Variants in MAP3K20 observed in about 807,000 individuals in gnomAD.
MAP3K20 encodes the protein mitogen-activated protein kinase kinase kinase 20, also known as HCCS-4.
MAP3K20 carries 40 observed loss-of-function variants against 85.7 expected under a neutral mutation model. That is an observed-to-expected ratio of 0.47 (90% confidence interval 0.36 to 0.61). The LOEUF (loss-of-function observed/expected upper bound fraction) is 0.61, where lower values mean the gene tolerates loss of function less well. Ranked by LOEUF, MAP3K20 falls within the 20% of genes least tolerant of loss-of-function variation. The pLI, the probability that MAP3K20 is intolerant of heterozygous loss-of-function variation, is 0.00. For synonymous variants in MAP3K20, 325 were observed against 327.7 expected (o/e 0.99, Z 0.09); for missense variants, 817 against 961.7 (o/e 0.85, Z 1.99).
intron 16 of MAP3K20, among the ~76,000 whole-genome samples, chr2:173,253,614 A>T (rs1357649207): frequency 2.6e-5 from 4 of 152,174 alleles, no homozygotes; most frequent in African/African-American, 9.6e-5. Context: ...CCAGGGTGAG[A>T]TGGTTTTGAA....
At chr2:173,081,729 T>A (rs1687019921) in intron 1 of MAP3K20, among the ~76,000 whole-genome samples, 1 of 152,208 alleles carries the variant, frequency 6.6e-6, no homozygotes, top group African/African-American at 2.4e-5. Flanking sequence ...TTTCCTTTAT[T>A]TCCATCACTG....
chr2:173,144,483 A>G (rs1372181609), intron 2 of MAP3K20, among the ~76,000 whole-genome samples: 2 of 147,838 alleles, frequency 1.4e-5, no homozygotes, highest in Non-Finnish European at 3.0e-5. Flanking sequence ...AAAAAAAAAA[A>G]AAGAAAAGAA....
rs1685285330 is a variant in MAP3K20 at position 173,261,257 on chromosome 2, A to G, written c.1551+120A>G. ...TACCCAGAGCATATAATTTATTGGG[A>G]GTAAACCAACCAACATGAACATAGG... On this transcript the variant is annotated intron_variant, in intron 18 of 19. Coordinates refer to ENST00000375213, the MANE Select transcript of MAP3K20 (RefSeq NM_016653.3). 8 of 972,364 alleles carry G rather than the reference A, an allele frequency of 8.2e-6. No individual in the cohort carries two copies. The highest frequency in any genetic ancestry group is 1.5e-6 in the Non-Finnish European group (1 of 665,546). 60.2% of individuals were successfully genotyped at this position (972,364 alleles called of 1,614,324 possible). A position where few individuals can be genotyped will look rare whatever the true frequency, so the allele number is the denominator to read the frequency against.
rs1457825366 is a variant in MAP3K20 at position 173,184,909 on chromosome 2, A to G, written c.349+1954A>G. On this transcript the variant is annotated intron_variant, in intron 4 of 19. Coordinates refer to ENST00000375213, the MANE Select transcript of MAP3K20 (RefSeq NM_016653.3). ...AGAGTGAGACTCAGTCTAGAAAAAAAAAAAAAATTAGGTAGCAAACTGGTA... is the reference window on the plus strand; with the variant it reads ...AGAGTGAGACTCAGTCTAGAAAAAAGAAAAAAATTAGGTAGCAAACTGGTA... 3.3e-5 allele frequency among the ~76,000 whole-genome samples: 5 copies of G among 151,816 alleles called. No individual in the cohort carries two copies. The East Asian group carries it at 9.8e-4, about 30-fold the overall frequency.
intron 16 of MAP3K20, among the ~76,000 whole-genome samples, chr2:173,245,192 A>G (rs1328194531): frequency 6.6e-6 from 1 of 152,204 alleles, no homozygotes; most frequent in African/African-American, 2.4e-5. Flanking sequence ...AGCCAGGAAA[A>G]TATTACCTTA....
At chr2:173,175,604 A>C (rs954959225) in intron 3 of MAP3K20, among the ~76,000 whole-genome samples, 2 of 152,208 alleles carry the variant, frequency 1.3e-5, no homozygotes, top group African/African-American at 4.8e-5. Context: ...TTTATAAAGT[A>C]TTAATGATCT....
chr2:173,131,911 T>A (rs1399719893), intron 2 of MAP3K20, among the ~76,000 whole-genome samples: 1 of 152,172 alleles, frequency 6.6e-6, no homozygotes, highest in East Asian at 1.9e-4. Context: ...GGACTGAGTG[T>A]CTGATTCTTT....
chr2:173,257,033 A>G (rs2106352661), intron 16 of MAP3K20, among the ~76,000 whole-genome samples: 1 of 151,250 alleles, frequency 6.6e-6, no homozygotes, highest in East Asian at 1.9e-4. Flanking sequence ...GCATGATGGC[A>G]CGTGCTTGTG....
chr2:173,156,065 G>A (rs1190791514), intron 2 of MAP3K20, among the ~76,000 whole-genome samples: 1 of 152,120 alleles, frequency 6.6e-6, no homozygotes, highest in African/African-American at 2.4e-5. Context: ...TTTCCTTCTT[G>A]CTGCCTGGAA....
intron 16 of MAP3K20, among the ~76,000 whole-genome samples, chr2:173,249,441 C>T (rs926377987): frequency 5.3e-5 from 8 of 152,096 alleles, no homozygotes; most frequent in Admixed American, 6.5e-5. Context: ...GGATTTGAAT[C>T]GATAATAGCT....
At chr2:173,260,235 G>C (rs1346392190) in intron 17 of MAP3K20, among the ~76,000 whole-genome samples, 1 of 152,108 alleles carries the variant, frequency 6.6e-6, no homozygotes, top group African/African-American at 2.4e-5. Context: ...AGGTGTGGTG[G>C]CGTGCTCCTG....
chr2:173,256,667 A>G (rs1036088661), intron 16 of MAP3K20, among the ~76,000 whole-genome samples: 1 of 152,292 alleles, frequency 6.6e-6, no homozygotes, highest in East Asian at 1.9e-4. Flanking sequence ...GCAAAGTTGA[A>G]AGAATTTTAC....
chr2:173,091,264 G>A, intron 2 of MAP3K20, 74 bp downstream of exon 2: 1 of 1,506,644 alleles, frequency 6.6e-7, no homozygotes, highest in Non-Finnish European at 9.0e-7. Flanking sequence ...GAGTTAGAGG[G>A]TCACAGGGCT....
intron 2 of MAP3K20, among the ~76,000 whole-genome samples, chr2:173,146,232 GT>G (rs1250178310): frequency 3.9e-4 from 56 of 143,638 alleles, no homozygotes; most frequent in Admixed American, 1.5e-3. Flanking sequence ...GGTTTTTGTT[GT>G]TTTTTTTTTT....
chr2:173,098,005 AAATT>A (rs1297635293), intron 2 of MAP3K20, among the ~76,000 whole-genome samples: 1 of 152,174 alleles, frequency 6.6e-6, no homozygotes, highest in Non-Finnish European at 1.5e-5. Context: ...TTTTATTAAT[AAATT>A]CTTTAAATTT....
intron 11 of MAP3K20, chr2:173,225,669 A>C (rs566414540): frequency 2.4e-4 from 236 of 985,118 alleles, no homozygotes; most frequent in Non-Finnish European, 2.8e-4. Context: ...CAAATCCAGA[A>C]GCTTTAGAGT....
At chr2:173,076,153 G>C (rs536221361) in intron 1 of MAP3K20, among the ~76,000 whole-genome samples, 151 bp downstream of exon 1, 1 of 151,336 alleles carries the variant, frequency 6.6e-6, no homozygotes, top group South Asian at 2.1e-4. Flanking sequence ...TCCCCTCCCC[G>C]ACCCAGGGCC....
intron 12 of MAP3K20, among the ~76,000 whole-genome samples, chr2:173,231,164 G>A (rs1684516099): frequency 6.6e-6 from 1 of 152,246 alleles, no homozygotes; most frequent in South Asian, 2.1e-4. Context: ...GCCACAAAGT[G>A]CAGACTAGCT....
chr2:173,177,614 A>T (rs997310808), intron 3 of MAP3K20, among the ~76,000 whole-genome samples: 1 of 151,088 alleles, frequency 6.6e-6, no homozygotes. Flanking sequence ...ATTTTTAGTA[A>T]AGATGGGGTT....
Sources: allele counts gnomAD v4.1 joint callset (sites outside exome capture counted in the v4.1 genomes callset), GRCh38; gene constraint gnomAD v4.1.1; transcripts MANE v1.5; gene names NCBI Gene and HGNC (gene_info 2026-07-23, HGNC 2026-07-21).